Variants in CFAP61 observed in about 807,000 individuals in gnomAD.
The protein encoded by CFAP61 is cilia and flagella associated protein 61, also known as cilia- and flagella-associated protein 61.
Under a neutral mutation model 135.6 loss-of-function variants are expected in CFAP61, and 107 were observed. The ratio of observed to expected loss-of-function variants is 0.79; its 90% CI spans 0.67 to 0.93. CFAP61 has a LOEUF of 0.93. Among genes scored for constraint, CFAP61 ranks in the 40% least tolerant of loss-of-function variants. The pLI is 0.00. For missense variants in CFAP61, 1,507 were observed against 1,556.2 expected, an observed-to-expected ratio of 0.97 and a Z score of 0.53; for synonymous variants, 575 against 578.5, an observed-to-expected ratio of 0.99 and a Z score of 0.09.
chr20:20,269,142 T>TAC (rs1399422052), intron 21 of CFAP61, among the ~76,000 whole-genome samples: 8 of 85,652 alleles, frequency 9.3e-5, no homozygotes, highest in South Asian at 8.3e-4. Context: ...TATATATATA[T>TAC]ATATACACAC....
At chr20:20,052,874 G>C (rs2043861370) in intron 1 of CFAP61, 3 of 707,318 alleles carry the variant, frequency 4.2e-6, no homozygotes, top group Middle Eastern at 8.1e-4. Context: ...AGTAGTCTCT[G>C]GGTCCACGCC....
Position 20,052,564 on chromosome 20 carries a change from A to G in CFAP61, c.-64A>G. ...GCGTCCTCCTTGCGGCAGCGCGTGGAGTGCGGCGTCCTGGAGCTGCGGATG... is the reference window on the plus strand; with the variant it reads ...GCGTCCTCCTTGCGGCAGCGCGTGGGGTGCGGCGTCCTGGAGCTGCGGATG... On this transcript the variant is annotated 5_prime_UTR_variant, in exon 1 of 27. Coordinates refer to ENST00000245957, the MANE Select transcript of CFAP61 (RefSeq NM_015585.4). 6.2e-7 allele frequency: 1 copy of G among 1,613,934 alleles called. No homozygotes were observed.
chr20:20,197,751 C>T (rs1277501595), intron 16 of CFAP61, among the ~76,000 whole-genome samples: 1 of 152,110 alleles, frequency 6.6e-6, no homozygotes, highest in Non-Finnish European at 1.5e-5. Context: ...CAGTCACTGA[C>T]AACATTGGTC....
At chr20:20,156,488 T>G (rs956665839) in intron 9 of CFAP61, among the ~76,000 whole-genome samples, 1 of 152,106 alleles carries the variant, frequency 6.6e-6, no homozygotes, top group Non-Finnish European at 1.5e-5. Context: ...TAAGAATGCC[T>G]TTTCTCACCA....
intron 9 of CFAP61, among the ~76,000 whole-genome samples, chr20:20,151,894 C>T (rs2052466344): frequency 6.7e-6 from 1 of 149,846 alleles, no homozygotes; most frequent in South Asian, 2.1e-4. Context: ...AAGATCATCA[C>T]CCAGGCACAT....
intron 22 of CFAP61, 50 bp downstream of exon 22, chr20:20,277,508 C>G (rs1467283943): frequency 6.5e-7 from 1 of 1,528,178 alleles, no homozygotes; most frequent in Non-Finnish European, 8.8e-7. Context: ...CAGAGGACAT[C>G]TCCAAGGGAT....
chr20:20,277,307 T>C lies in CFAP61; in HGVS notation c.2645T>C (p.Val882Ala). 4 of 1,614,138 alleles carry C rather than the reference T, an allele frequency of 2.5e-6. No homozygotes were observed. The highest frequency in any genetic ancestry group is 3.4e-6 in the Non-Finnish European group (4 of 1,180,024). The change falls in exon 22 of 27, where the codon GTG (valine) becomes GCG (alanine). Residue 882 changes from valine (V) to alanine (A), a missense_variant. By Grantham distance (64) the Val-to-Ala change is moderately conservative. Transcript: ENST00000245957. ...ATCACCTGCATCAACAACTACTCGG[T>C]GGAGAGCGCCGTGGCGGACGCGCTA... is the stretch of plus-strand genomic sequence containing the variant. ...STITCINNYS[V>A]ESAVADALGA...
chr20:20,128,481 G>C (rs776587528), intron 8 of CFAP61, among the ~76,000 whole-genome samples: 1 of 151,736 alleles, frequency 6.6e-6, no homozygotes, highest in Non-Finnish European at 1.5e-5. Flanking sequence ...ATGTATTTGG[G>C]AGAGGAGGAT....
intron 8 of CFAP61, among the ~76,000 whole-genome samples, chr20:20,134,820 G>T (rs1273405301): frequency 1.3e-5 from 2 of 152,190 alleles, no homozygotes; most frequent in South Asian, 4.1e-4. Flanking sequence ...AATCATTTCT[G>T]ATTTGGACAG....
chr20:20,140,490 C>T (rs1319971446), intron 8 of CFAP61, among the ~76,000 whole-genome samples: 4 of 151,822 alleles, frequency 2.6e-5, no homozygotes, highest in African/African-American at 4.8e-5. Flanking sequence ...TGATGATTTC[C>T]AATTTCATCC....
chr20:20,340,296 C>T (rs1325238922), intron 25 of CFAP61, among the ~76,000 whole-genome samples: 1 of 152,162 alleles, frequency 6.6e-6, no homozygotes, highest in East Asian at 1.9e-4. Context: ...TGCTACACAG[C>T]CCCCATTTTC....
At chr20:20,337,758 G>A (rs1405247494) in intron 25 of CFAP61, among the ~76,000 whole-genome samples, 1 of 152,102 alleles carries the variant, frequency 6.6e-6, no homozygotes, top group Non-Finnish European at 1.5e-5. Context: ...GAGCACAGGG[G>A]CTTTGGGAAA....
intron 9 of CFAP61, among the ~76,000 whole-genome samples, chr20:20,152,816 T>A (rs2052567026): frequency 6.6e-6 from 1 of 152,118 alleles, no homozygotes; most frequent in African/African-American, 2.4e-5. Flanking sequence ...CAGGACATCA[T>A]GACAGAAAGT....
chr20:20,175,535 TTTTGTTTTG>T (rs2054562500), intron 13 of CFAP61, among the ~76,000 whole-genome samples: 1 of 59,438 alleles, frequency 1.7e-5, no homozygotes, highest in African/African-American at 6.2e-5. Context: ...TTTTGTTTTG[TTTTGTTTTG>T]AGACAGAGTC....
At chr20:20,277,076 T>C in intron 21 of CFAP61, 90 bp from the exon 22 acceptor site, 1 of 1,023,184 alleles carries the variant, frequency 9.8e-7, no homozygotes, top group Non-Finnish European at 1.4e-6. Flanking sequence ...AATGAGAGGG[T>C]TATACGGAGC....
At chr20:20,199,154 A>G (rs192671059) in intron 16 of CFAP61, among the ~76,000 whole-genome samples, 18 of 152,360 alleles carry the variant, frequency 1.2e-4, no homozygotes, top group Non-Finnish European at 2.1e-4. Flanking sequence ...ATAATTTAGT[A>G]TTAGTCTAGA....
chr20:20,360,597 C>T lies in CFAP61; in HGVS notation c.*187C>T, dbSNP rs1217712689. ...ATCATCCCAGTAGGTGGCACACGGCCGTGTGCCTCTCTTCTGGGGCAGGCT... is the reference window on the plus strand; with the variant it reads ...ATCATCCCAGTAGGTGGCACACGGCTGTGTGCCTCTCTTCTGGGGCAGGCT... On this transcript the variant is annotated 3_prime_UTR_variant, in exon 27 of 27. Transcript: ENST00000245957. 3.4e-6 allele frequency: 2 copies of T among 596,356 alleles called. No homozygotes were observed. The highest frequency in any genetic ancestry group is 5.9e-6 in the Non-Finnish European group (2 of 338,724). 36.9% of individuals were successfully genotyped at this position (596,356 alleles called of 1,614,324 possible). A position where few individuals can be genotyped will look rare whatever the true frequency, so the allele number is the denominator to read the frequency against.
rs571986800 is a variant in CFAP61, at chr20:20,216,447, A to C, written c.1933-11802A>C. On this transcript the variant is annotated intron_variant, in intron 17 of 26. Transcript: ENST00000245957. ...ATACACAGAGTGAGCAAAAGGGAGA[A>C]TTTCCCGAGGACTCCTGTTTGGTTT... is the stretch of plus-strand genomic sequence containing the variant. Among the ~76,000 whole-genome samples the C allele has an allele frequency of 1.1e-4, 16 of 152,274 alleles. No individual in the cohort carries two copies. In the East Asian group the frequency reaches 2.9e-3, roughly 28 times the overall value.
chr20:20,228,249 A>G lies in CFAP61; in HGVS notation c.1933A>G (p.Met645Val). 1.3e-6 allele frequency: 2 copies of G among 1,593,014 alleles called. No individual in the cohort carries two copies. Among genetic ancestry groups the G allele is most frequent in the African/African-American group, 1.3e-5 (1 of 74,500 alleles). Residue 645 changes from methionine to valine, a missense_variant and splice_region_variant, in exon 18 of 27, where the codon ATG becomes GTG. Transcript: ENST00000245957. Reference sequence around the variant, plus strand: ...CTTTGTCTTCGTATTTTTTTTCCAGATGAGTTATGCTTTAAACCATACAAA... The same window carrying G: ...CTTTGTCTTCGTATTTTTTTTCCAGGTGAGTTATGCTTTAAACCATACAAA... ...APSKAVSKDP[M>V]SYALNHTNRK...
Sources: gnomAD v4.1 joint callset for allele counts (sites outside exome capture counted in the v4.1 genomes callset) on GRCh38, gnomAD v4.1.1 for gene constraint, MANE v1.5 for transcripts, NCBI Gene and HGNC (gene_info 2026-07-23, HGNC 2026-07-21) for gene names.